The following KCNQ2 variants were observed in gnomAD, a reference collection of about 807,000 sequenced individuals.
The protein encoded by KCNQ2 is potassium voltage-gated channel subfamily KQT member 2.
A neutral mutation model predicts 84.8 loss-of-function variants in KCNQ2; 14 were observed. The observed-to-expected ratio is 0.17, with a 90% CI of 0.11 to 0.26. The LOEUF (loss-of-function observed/expected upper bound fraction) is 0.26. Ranked by LOEUF, KCNQ2 falls within the 10% of genes least tolerant of loss-of-function variation. The pLI is 1.00. For missense variants in KCNQ2, 788 were observed against 1,254.0 expected, an observed-to-expected ratio of 0.63 and a Z score of 5.61; for synonymous variants, 599 against 554.1, an observed-to-expected ratio of 1.08 and a Z score of -1.14.
Position 63,400,347 on chromosome 20 carries a change from C to T in KCNQ2, c.*6297G>A, listed in dbSNP as rs1386215153. On this transcript the variant is annotated 3_prime_UTR_variant, in exon 17 of 17. Transcript: ENST00000359125. The surrounding 1 kb of genome is among the most constrained non-coding windows in gnomAD (Gnocchi z 8.7). ...CCACACCCGAAGTCCCCCGCAAACC[C>T]GCACTGGCGCATTCTTACGGCTCTG... is the stretch of plus-strand genomic sequence containing the variant. 1 of 341,976 alleles carries T rather than the reference C, an allele frequency of 2.9e-6. No individual in the cohort carries two copies. The highest frequency in any genetic ancestry group is 5.2e-6 in the Non-Finnish European group (1 of 191,036). The allele number at this position is 341,976 out of a possible 1,614,324, so 21.2% of individuals were successfully genotyped here.
At chr20:63,419,593 A>G (rs1222944030) in intron 12 of KCNQ2, 26 bp downstream of exon 12, 1 of 1,601,330 alleles carries the variant, frequency 6.2e-7, no homozygotes. Flanking sequence ...AGCAGCCGTC[A>G]GTCCGTGCGG....
chr20:63,453,207 C>A (rs1203113109), intron 1 of KCNQ2, among the ~76,000 whole-genome samples: 1 of 152,224 alleles, frequency 6.6e-6, no homozygotes, highest in Non-Finnish European at 1.5e-5. Flanking sequence ...GCCACAGGCC[C>A]ACGGCTTCCA....
chr20:63,415,068 C>T lies in KCNQ2; in HGVS notation c.1360G>A (p.Gly454Arg). 6.2e-7 allele frequency: 1 copy of T among 1,606,818 alleles called. No homozygotes were observed. Among genetic ancestry groups the T allele is most frequent in the Non-Finnish European group, 8.5e-7 (1 of 1,179,900 alleles). The change falls in exon 13 of 17, where the codon GGG (glycine) becomes AGG (arginine). Residue 454 changes from glycine to arginine, a missense_variant. Gly to Arg is a moderately radical substitution (Grantham distance 125, BLOSUM62 -2). Coordinates refer to ENST00000359125, the MANE Select transcript of KCNQ2 (RefSeq NM_172107.4). Reference sequence around the variant, plus strand: ...GTCTGGGCCTGCGGGGACCCCTTCCCCTTGGCAGCCACGCCTCGGGGGCTG... The same window carrying T: ...GTCTGGGCCTGCGGGGACCCCTTCCTCTTGGCAGCCACGCCTCGGGGGCTG... ...FSSPRGVAAK[G>R]KGSPQAQTVR...
Position 63,414,318 on chromosome 20 carries a change from C to T in KCNQ2, c.1526-125G>A, listed in dbSNP as rs2080219144. On this transcript the variant is annotated intron_variant, in intron 13 of 16. Transcript: ENST00000359125. The surrounding 1 kb of genome is among the most constrained non-coding windows in gnomAD (Gnocchi z 6.6). ...CCTCGAGGCTCCCTGTGGTGCCCCT[C>T]GGGTGCACCTGCTTTTCTGGAAACC... 4 of 684,988 alleles carry T rather than the reference C, an allele frequency of 5.8e-6. No individual in the cohort carries two copies. The highest frequency in any genetic ancestry group is 7.8e-6 in the Non-Finnish European group (3 of 386,464). 42.4% of individuals were successfully genotyped at this position (684,988 alleles called of 1,614,324 possible).
intron 1 of KCNQ2, among the ~76,000 whole-genome samples, chr20:63,454,749 A>T (rs2081725890): frequency 6.6e-6 from 1 of 152,038 alleles, no homozygotes; most frequent in Admixed American, 6.5e-5. Flanking sequence ...GCGGCAGGAG[A>T]CCCCTGATGG....
rs60028841 is a variant in KCNQ2 at position 63,436,775 on chromosome 20, C to CTTT, written c.1023+1847_1023+1849dup. Among the ~76,000 whole-genome samples the CTTT allele has an allele frequency of 5.5e-3, 676 of 122,354 alleles. 30 individuals are homozygous for CTTT. Among genetic ancestry groups the CTTT allele is most frequent in the Middle Eastern group, 0.01 (2 of 198 alleles). 80.3% of individuals were successfully genotyped at this position (122,354 alleles called of 152,430 possible). A position where few individuals can be genotyped will look rare whatever the true frequency, so the allele number is the denominator to read the frequency against. On this transcript the variant is annotated intron_variant, in intron 7 of 16. Transcript: ENST00000359125. ...AAGCTATGGCATGGTATAAACATAA[C>CTTT]TTTTTTTTTTTTTTTTTTTGAGACG...
Position 63,407,443 on chromosome 20 carries a change from C to T in KCNQ2, c.1888-68G>A, listed in dbSNP as rs896911241. ...AGGAGATGTGGGGACCCAGGCTGCT[C>T]CCAGGAAATGGGGGGGCCCAGGCTG... On this transcript the variant is annotated intron_variant, in intron 16 of 16. Transcript: ENST00000359125. The surrounding 1 kb of genome is among the most constrained non-coding windows in gnomAD (Gnocchi z 7.2). The T allele has an allele frequency of 5.8e-6, 9 of 1,554,408 alleles. No individual in the cohort carries two copies. The highest frequency in any genetic ancestry group is 2.7e-5 in the African/African-American group (2 of 73,642).
chr20:63,438,486 T>A lies in KCNQ2; in HGVS notation c.1023+139A>T. Reference sequence around the variant, plus strand: ...ACACACACTTCACATCCTCGCTCCTTCCACAGATTCCTGCAGAGGGTGAGC... The same window carrying A: ...ACACACACTTCACATCCTCGCTCCTACCACAGATTCCTGCAGAGGGTGAGC... On this transcript the variant is annotated intron_variant, in intron 7 of 16. Coordinates refer to ENST00000359125, the MANE Select transcript of KCNQ2 (RefSeq NM_172107.4). The surrounding 1 kb of genome is among the most constrained non-coding windows in gnomAD (Gnocchi z 5.1). 1 of 764,366 alleles carries A rather than the reference T, an allele frequency of 1.3e-6. No individual in the cohort carries two copies. The highest frequency in any genetic ancestry group is 2.3e-6 in the Non-Finnish European group (1 of 433,964). The allele number at this position is 764,366 out of a possible 1,614,324, so 47.3% of individuals were successfully genotyped here.
chr20:63,442,427 CG>C lies in KCNQ2; in HGVS notation c.794del (p.Ala265GlyfsTer8). 6.2e-7 allele frequency: 1 copy of C among 1,613,868 alleles called. No individual in the cohort carries two copies. The highest frequency in any genetic ancestry group is 8.5e-7 in the Non-Finnish European group (1 of 1,179,958). On this transcript the variant is annotated frameshift_variant, in exon 5 of 17. Coordinates refer to ENST00000359125, the MANE Select transcript of KCNQ2 (RefSeq NM_172107.4). LOFTEE classifies it high-confidence loss of function. ...TCACCAGGCCCCACCAGAGTGCATC[CG>C]CGTAGGTGTCAAAGTGGTCGTTCTC... ...KGENDHFDTY[A>X]DALWWGLITL...
intron 4 of KCNQ2, among the ~76,000 whole-genome samples, chr20:63,443,475 T>TCAC (rs2081319442): frequency 6.2e-5 from 1 of 16,224 alleles, no homozygotes; most frequent in Non-Finnish European, 1.3e-4. Flanking sequence ...ATCACCACCA[T>TCAC]CATCACCACC....
At position 63,406,290 on chromosome 20, in the gene KCNQ2, C is replaced by T. The variant is rs1199932822; in HGVS notation, c.*354G>A. 4 of 273,612 alleles carry T rather than the reference C, an allele frequency of 1.5e-5. No individual in the cohort carries two copies. Among genetic ancestry groups the T allele is most frequent in the African/African-American group, 2.4e-5 (1 of 42,006 alleles). 16.9% of individuals were successfully genotyped at this position (273,612 alleles called of 1,614,324 possible). ...CCTCCCCTGGGCTCGGCTGAGACAA[C>T]CCCCCGCCTGTTGCCACGCTGGCAA... On this transcript the variant is annotated 3_prime_UTR_variant, in exon 17 of 17. Transcript: ENST00000359125.
chr20:63,472,499 G>A lies in KCNQ2; in HGVS notation c.-36C>T. 2 of 1,419,026 alleles carry A rather than the reference G, an allele frequency of 1.4e-6. No individual in the cohort carries two copies. The highest frequency in any genetic ancestry group is 1.5e-5 in the South Asian group (1 of 68,048). The allele number at this position is 1,419,026 out of a possible 1,614,324, so 87.9% of individuals were successfully genotyped here. ...GGGAGGCGCCCCGGGTCGGGCTCAG[G>A]CTCAGCGGGGGCGGAGCGCGGGGGG... On this transcript the variant is annotated 5_prime_UTR_variant, in exon 1 of 17. Transcript: ENST00000359125.
chr20:63,414,590 G>C lies in KCNQ2; in HGVS notation c.1525+313C>G, dbSNP rs1336858047. 6.6e-6 allele frequency among the ~76,000 whole-genome samples: 1 copy of C among 152,060 alleles called. No homozygotes were observed. The highest frequency in any genetic ancestry group is 2.4e-5 in the African/African-American group (1 of 41,408). The stretch of plus-strand genomic sequence containing the variant: ...CACGGCCCAAGAGCAGCGGGTGCTG[G>C]GGCTGAGGCGGGGAATGGGGTGACT... On this transcript the variant is annotated intron_variant, in intron 13 of 16. Transcript: ENST00000359125. This position sits in a 1 kb window ranked among gnomAD's most constrained non-coding sequence, Gnocchi z 6.6.
At position 63,406,878 on chromosome 20, in the gene KCNQ2, G is replaced by A. The variant is rs143016981; in HGVS notation, c.2385C>T (p.His795=). 332 of 1,612,038 alleles carry A rather than the reference G, an allele frequency of 2.1e-4. No homozygotes were observed. The highest frequency in any genetic ancestry group is 2.7e-4 in the Non-Finnish European group (314 of 1,179,670). Residue 795 remains histidine, a synonymous_variant, in exon 17 of 17, where the codon CAC becomes CAT. Transcript: ENST00000359125. ...DTSISIPSVD[H]EELERSFSGF... ...CGCTGAAGGAACGCTCCAGCTCCTCGTGGTCCACGGACGGGATGGAGATGG... is the reference window on the plus strand; with the variant it reads ...CGCTGAAGGAACGCTCCAGCTCCTCATGGTCCACGGACGGGATGGAGATGG...
Position 63,446,834 on chromosome 20 carries a change from G to A in KCNQ2, c.300C>T (p.Phe100=), listed in dbSNP as rs1432645663. ...GCACGAGGCAGGAGAAAACCAGGAG[G>A]AACCTGGGGGCAGGGAACGCGCGCT... The part of the protein sequence containing the change: ...GWAFIYHAYV[F]LLVFSCLVLS... The change falls in exon 2 of 17, where the codon TTC becomes TTT. Residue 100 remains phenylalanine (F), a synonymous_variant. Transcript: ENST00000359125. The surrounding 1 kb of genome is among the most constrained non-coding windows in gnomAD (Gnocchi z 5.5). 1.2e-6 allele frequency: 2 copies of A among 1,613,326 alleles called. No individual in the cohort carries two copies. The highest frequency in any genetic ancestry group is 1.7e-6 in the Non-Finnish European group (2 of 1,179,790).
chr20:63,442,725 T>TTACCACCACCATCACCATCACCATCAC (rs2081217650), intron 4 of KCNQ2, among the ~76,000 whole-genome samples, 194 bp from the exon 5 acceptor site: 1 of 32,808 alleles, frequency 3.0e-5, no homozygotes, highest in Non-Finnish European at 5.4e-5. Context: ...ACCACCACCA[T>TTACCACCACCATCACCATCACCATCAC]CATCACCACC....
At chr20:63,427,763 C>T (rs12480811) in intron 10 of KCNQ2, among the ~76,000 whole-genome samples, 12,839 of 152,292 alleles carry the variant, frequency 0.084, 634 homozygotes, top group Admixed American at 0.14. Flanking sequence ...TGAGATCGTC[C>T]TGATAGGTTC....
Position 63,472,427 on chromosome 20 carries a change from C to G in KCNQ2, c.37G>C (p.Gly13Arg). 6.5e-7 allele frequency: 1 copy of G among 1,536,354 alleles called. No individual in the cohort carries two copies. The highest frequency in any genetic ancestry group is 8.7e-7 in the Non-Finnish European group (1 of 1,147,128). The change falls in exon 1 of 17, where the codon GGC becomes CGC. Residue 13 changes from glycine (G) to arginine (R), a missense_variant. Gly to Arg is a moderately radical substitution (Grantham distance 125, BLOSUM62 -2). Around this residue, in one of 8 missense-constraint regions of KCNQ2, gnomAD observed 41 missense variants for 41.2 expected, o/e 0.99. Transcript: ENST00000359125. ...TTCAGCTTCTTCTCCCCGCTCGGGC[C>G]GGGGTATACGCCGCCGTTGCGCGAC... is the stretch of plus-strand genomic sequence containing the variant. ...QKSRNGGVYPGPSGEKKLKVG... is the reference protein window; with the variant it reads ...QKSRNGGVYPRPSGEKKLKVG...
chr20:63,433,505 C>CG (rs1412036832), intron 8 of KCNQ2: 3 of 583,664 alleles, frequency 5.1e-6, no homozygotes, highest in Admixed American at 3.1e-5. Flanking sequence ...CAGCCCGGGG[C>CG]GGGGGGCATT....
Sources: gnomAD v4.1 joint callset for allele counts (sites outside exome capture counted in the v4.1 genomes callset) on GRCh38, gnomAD v4.1.1 for gene constraint, gnomAD v4.1.1 regional missense constraint, Gnocchi (gnomAD v3.1) non-coding constraint, MANE v1.5 for transcripts, NCBI Gene and HGNC (gene_info 2026-07-23, HGNC 2026-07-21) for gene names.